UBE2K: variants seen among roughly 807,000 people sequenced by gnomAD.
UBE2K encodes ubiquitin conjugating enzyme E2 K.
Under a neutral mutation model 30.0 loss-of-function variants are expected in UBE2K, and 6 were observed. The ratio of observed to expected loss-of-function variants is 0.20; its 90% CI spans 0.11 to 0.39. UBE2K has a LOEUF of 0.39. Ranked by LOEUF, UBE2K falls within the 10% of genes least tolerant of loss-of-function variation. The pLI, the probability that UBE2K is intolerant of heterozygous loss-of-function variation, is 1.00. For synonymous variants in UBE2K, 86 were observed against 83.7 expected, an observed-to-expected ratio of 1.03 and a Z score of -0.15; for missense variants, 61 against 241.6, an observed-to-expected ratio of 0.25 and a Z score of 4.96.
At chr4:39,740,665 G>A (rs370267408) in intron 2 of UBE2K, among the ~76,000 whole-genome samples, 15 of 148,216 alleles carry the variant, frequency 1.0e-4, no homozygotes, top group South Asian at 4.3e-4. Flanking sequence ...GATCGAGACC[G>A]TCCTGGCTAA....
intron 3 of UBE2K, among the ~76,000 whole-genome samples, chr4:39,752,337 T>G (rs1443549520): frequency 1.9e-4 from 3 of 16,156 alleles, no homozygotes; most frequent in Non-Finnish European, 2.2e-4. Flanking sequence ...TTTTTTTTCT[T>G]TTTTTTTTTT....
At chr4:39,726,330 A>T (rs1578441679) in intron 1 of UBE2K, among the ~76,000 whole-genome samples, 1 of 151,938 alleles carries the variant, frequency 6.6e-6, no homozygotes, top group African/African-American at 2.4e-5. Context: ...TAAAATTTTT[A>T]AACTTGTACT....
At chr4:39,710,546 G>A (rs150840634) in intron 1 of UBE2K, among the ~76,000 whole-genome samples, 26 of 152,174 alleles carry the variant, frequency 1.7e-4, no homozygotes, top group African/African-American at 6.0e-4. Flanking sequence ...TGGGATTACA[G>A]GCATGAGCTA....
At chr4:39,730,014 A>G (rs1719983028) in intron 1 of UBE2K, among the ~76,000 whole-genome samples, 1 of 152,240 alleles carries the variant, frequency 6.6e-6, no homozygotes, top group Non-Finnish European at 1.5e-5. Context: ...CTTAGAATGA[A>G]ATAACTATTG....
chr4:39,759,742 C>T (rs1711766226), intron 4 of UBE2K, among the ~76,000 whole-genome samples: 1 of 152,174 alleles, frequency 6.6e-6, no homozygotes. Flanking sequence ...CTAAAAGACA[C>T]AAACAGGCAC....
At chr4:39,774,011 A>G (rs755683591) in intron 4 of UBE2K, among the ~76,000 whole-genome samples, 3 of 152,096 alleles carry the variant, frequency 2.0e-5, no homozygotes, top group Non-Finnish European at 4.4e-5. Context: ...AGAAATAGAA[A>G]AGCTGGCCGA....
intron 1 of UBE2K, among the ~76,000 whole-genome samples, chr4:39,714,723 TA>T (rs1411718939): frequency 6.7e-6 from 1 of 149,702 alleles, no homozygotes; most frequent in Non-Finnish European, 1.5e-5. Flanking sequence ...AATTTTTTTT[TA>T]TATTTTTAGT....
chr4:39,753,143 C>G (rs1385649997), intron 3 of UBE2K, among the ~76,000 whole-genome samples: 1 of 152,204 alleles, frequency 6.6e-6, no homozygotes, highest in African/African-American at 2.4e-5. Context: ...AATCCTAGTA[C>G]TTTGGGAGCC....
intron 3 of UBE2K, among the ~76,000 whole-genome samples, chr4:39,747,567 C>CATATTTTGT (rs1329166550): frequency 1.3e-5 from 2 of 152,090 alleles, no homozygotes; most frequent in Non-Finnish European, 2.9e-5. Flanking sequence ...AAGTATAGAC[C>CATATTTTGT]ATATTTTGTT....
intron 1 of UBE2K, among the ~76,000 whole-genome samples, chr4:39,729,190 C>T (rs573860632): frequency 1.6e-4 from 24 of 152,080 alleles, no homozygotes; most frequent in African/African-American, 5.5e-4. Flanking sequence ...AGGCTAGTCT[C>T]GAACTCTTGA....
At chr4:39,743,558 C>T (rs1720821025) in intron 2 of UBE2K, among the ~76,000 whole-genome samples, 1 of 151,260 alleles carries the variant, frequency 6.6e-6, no homozygotes, top group Non-Finnish European at 1.5e-5. Flanking sequence ...GAGCCGAGAT[C>T]CCGCCACTGC....
chr4:39,754,059 T>G (rs1363912436), intron 3 of UBE2K, among the ~76,000 whole-genome samples: 1 of 151,976 alleles, frequency 6.6e-6, no homozygotes, highest in African/African-American at 2.4e-5. Context: ...TGGGCCCACA[T>G]GAAGGGAATG....
At chr4:39,740,334 A>G (rs534304236) in intron 2 of UBE2K, among the ~76,000 whole-genome samples, 2 of 152,246 alleles carry the variant, frequency 1.3e-5, no homozygotes, top group South Asian at 4.1e-4. Context: ...TAGGTAGATT[A>G]ATTTTTTTAA....
At chr4:39,736,237 C>A (rs1259120966) in intron 1 of UBE2K, among the ~76,000 whole-genome samples, 2 of 152,112 alleles carry the variant, frequency 1.3e-5, no homozygotes, top group South Asian at 2.1e-4. Context: ...CCAAGGCGGG[C>A]GTATCGCGAG....
At position 39,779,221 on chromosome 4, in the gene UBE2K, A is replaced by G. The variant is rs1315216399; in HGVS notation, c.*787A>G. On this transcript the variant is annotated 3_prime_UTR_variant, in exon 7 of 7. Coordinates refer to ENST00000261427, the MANE Select transcript of UBE2K (RefSeq NM_005339.5). ...CTTAAATTTTTCTTAAGTAATGTAA[A>G]AATGGAACTGCCAATTTTATTTCTC... The G allele has an allele frequency of 6.6e-6, 1 of 152,192 alleles. No homozygotes were observed. The highest frequency in any genetic ancestry group is 6.5e-5 in the Admixed American group (1 of 15,276). The allele number at this position is 152,192 out of a possible 1,614,324, so 9.4% of individuals were successfully genotyped here.
intron 4 of UBE2K, among the ~76,000 whole-genome samples, chr4:39,759,723 G>A (rs895420465): frequency 6.6e-6 from 1 of 152,146 alleles, no homozygotes; most frequent in Non-Finnish European, 1.5e-5. Flanking sequence ...ACTCAGTGAC[G>A]CTGCCCTTCT....
chr4:39,757,333 T>C (rs1323539027), intron 4 of UBE2K, among the ~76,000 whole-genome samples: 1 of 152,116 alleles, frequency 6.6e-6, no homozygotes, highest in Admixed American at 6.6e-5. Flanking sequence ...GCCTAAGCTA[T>C]GTGATTGATT....
chr4:39,743,603 C>CAA (rs547385325), intron 2 of UBE2K, among the ~76,000 whole-genome samples: 13 of 112,574 alleles, frequency 1.2e-4, no homozygotes, highest in Non-Finnish European at 2.0e-4. Context: ...GACTCCGTCT[C>CAA]AAAAAAAAAA....
chr4:39,717,731 A>C (rs1719164286), intron 1 of UBE2K, among the ~76,000 whole-genome samples: 1 of 152,112 alleles, frequency 6.6e-6, no homozygotes, highest in Non-Finnish European at 1.5e-5. Context: ...CCTTGCGGTG[A>C]GTGTTAACAG....
Sources: gnomAD v4.1 joint callset for allele counts (sites outside exome capture counted in the v4.1 genomes callset) on GRCh38, gnomAD v4.1.1 for gene constraint, MANE v1.5 for transcripts, NCBI Gene and HGNC (gene_info 2026-07-23, HGNC 2026-07-21) for gene names.